The following EYS variants were observed in gnomAD, a reference collection of about 807,000 sequenced individuals.
EYS encodes EGF-like photoreceptor maintenance factor.
In EYS, 250 loss-of-function variants were observed where a neutral mutation model predicts 282.1. That is an observed-to-expected ratio of 0.89 (90% CI 0.80 to 0.98). The LOEUF is 0.98. Among genes scored for constraint, EYS ranks in the 50% least tolerant of loss-of-function variants. EYS has a pLI of 0.00. For missense variants in EYS, 4,016 were observed against 3,709.0 expected (o/e 1.08, Z -2.15); for synonymous variants, 1,355 against 1,282.9 (o/e 1.06, Z -1.20).
chr6:64,072,613 T>C (rs1328717677), intron 32 of EYS, among the ~76,000 whole-genome samples: 1 of 151,874 alleles, frequency 6.6e-6, no homozygotes, highest in Admixed American at 6.6e-5. Context: ...TAAAAGGTTA[T>C]ATTATAAAAT....
chr6:65,144,512 A>G (rs1202455428), intron 12 of EYS, among the ~76,000 whole-genome samples: 1 of 152,120 alleles, frequency 6.6e-6, no homozygotes, highest in Non-Finnish European at 1.5e-5. Flanking sequence ...TAAATATCTA[A>G]CATCTGGGTT....
At chr6:63,898,060 G>A (rs1483332167) in intron 35 of EYS, among the ~76,000 whole-genome samples, 3 of 152,184 alleles carry the variant, frequency 2.0e-5, no homozygotes, top group South Asian at 2.1e-4. Context: ...TGAAGTAGAC[G>A]TAAAAATATT....
At chr6:64,819,648 G>T (rs1372631692) in intron 21 of EYS, among the ~76,000 whole-genome samples, 1 of 151,738 alleles carries the variant, frequency 6.6e-6, no homozygotes, top group South Asian at 2.1e-4. Flanking sequence ...TTGTAGATGA[G>T]AATATAATAA....
At chr6:65,272,626 A>C (rs1001954475) in intron 12 of EYS, among the ~76,000 whole-genome samples, 10 of 152,188 alleles carry the variant, frequency 6.6e-5, no homozygotes, top group Non-Finnish European at 1.3e-4. Flanking sequence ...AATCTGTATT[A>C]GTTATGGAAA....
At chr6:64,081,705 T>C in intron 32 of EYS, 151 bp downstream of exon 32, 1 of 566,416 alleles carries the variant, frequency 1.8e-6, no homozygotes, top group Non-Finnish European at 2.9e-6. Context: ...CTAGAGAAAC[T>C]ACAAAGAACT....
chr6:64,000,872 G>A (rs1035868909), intron 33 of EYS, among the ~76,000 whole-genome samples: 15 of 152,090 alleles, frequency 9.9e-5, no homozygotes, highest in Admixed American at 9.8e-4. Context: ...TTCTGGCCAG[G>A]CGCGGTGGCT....
At chr6:63,723,306 T>A (rs1448576975) in intron 42 of EYS, among the ~76,000 whole-genome samples, 1 of 152,118 alleles carries the variant, frequency 6.6e-6, no homozygotes, top group Non-Finnish European at 1.5e-5. Context: ...AGAAAAAATA[T>A]ACATTGGGTT....
At chr6:65,552,641 C>T (rs191319584) in intron 2 of EYS, among the ~76,000 whole-genome samples, 83 of 152,170 alleles carry the variant, frequency 5.5e-4, no homozygotes, top group African/African-American at 1.9e-3. Flanking sequence ...GATGCATTCT[C>T]TCTGGCAATT....
intron 22 of EYS, among the ~76,000 whole-genome samples, chr6:64,795,505 G>T (rs1583166476): frequency 6.6e-6 from 1 of 152,060 alleles, no homozygotes; most frequent in Non-Finnish European, 1.5e-5. Flanking sequence ...CAAATTTTGA[G>T]GACTGCTATT....
At chr6:65,245,297 C>T (rs1380775011) in intron 12 of EYS, among the ~76,000 whole-genome samples, 1 of 152,150 alleles carries the variant, frequency 6.6e-6, no homozygotes, top group Non-Finnish European at 1.5e-5. Context: ...GGGAGGGATA[C>T]ATCAAGTACA....
chr6:63,827,638 A>G (rs903820225), intron 36 of EYS, among the ~76,000 whole-genome samples: 2 of 152,048 alleles, frequency 1.3e-5, no homozygotes, highest in African/African-American at 4.8e-5. Flanking sequence ...AGGTCAGGAG[A>G]TCTAGACCAT....
intron 29 of EYS, among the ~76,000 whole-genome samples, chr6:64,387,705 A>G (rs1172138129): frequency 1.3e-5 from 2 of 152,144 alleles, no homozygotes; most frequent in African/African-American, 4.8e-5. Context: ...AATGTTATAG[A>G]AAAAGTCACA....
chr6:65,706,964 C>A (rs557882278), intron 1 of EYS, among the ~76,000 whole-genome samples, 171 bp downstream of exon 1: 51 of 152,002 alleles, frequency 3.4e-4, no homozygotes, highest in Middle Eastern at 3.4e-3. Context: ...TATCCTTAAG[C>A]AAATGACAGA....
intron 24 of EYS, among the ~76,000 whole-genome samples, chr6:64,605,856 AT>A (rs1766914913): frequency 6.6e-6 from 1 of 152,080 alleles, no homozygotes; most frequent in South Asian, 2.1e-4. Flanking sequence ...GCAAGTAGAA[AT>A]TTAAAACTTT....
At chr6:64,643,836 G>T (rs1018371211) in intron 22 of EYS, among the ~76,000 whole-genome samples, 7 of 152,184 alleles carry the variant, frequency 4.6e-5, no homozygotes, top group South Asian at 2.1e-4. Context: ...CAGGATGATT[G>T]TGTGGCCTCT....
intron 19 of EYS, among the ~76,000 whole-genome samples, chr6:64,848,568 C>T (rs1583219712): frequency 6.6e-6 from 1 of 152,050 alleles, no homozygotes; most frequent in East Asian, 1.9e-4. Context: ...ACACAGGAGA[C>T]AAAATTATGA....
At chr6:64,485,236 A>AT (rs1776546689) in intron 26 of EYS, among the ~76,000 whole-genome samples, 1 of 151,610 alleles carries the variant, frequency 6.6e-6, no homozygotes, top group African/African-American at 2.4e-5. Flanking sequence ...GAACAGGGAA[A>AT]TGTTAGAGAA....
chr6:65,048,984 G>T (rs1434906903), intron 13 of EYS, among the ~76,000 whole-genome samples: 1 of 151,748 alleles, frequency 6.6e-6, no homozygotes. Context: ...GATTTTAGGT[G>T]CCTTGTCACA....
At chr6:64,989,466 T>C (rs1443930784) in intron 14 of EYS, among the ~76,000 whole-genome samples, 1 of 39,392 alleles carries the variant, frequency 2.5e-5, no homozygotes, top group Non-Finnish European at 4.6e-5. Flanking sequence ...AGCTGTAATA[T>C]ATATATATAT....
Sources: gnomAD v4.1 joint callset for allele counts (sites outside exome capture counted in the v4.1 genomes callset) on GRCh38, gnomAD v4.1.1 for gene constraint, MANE v1.5 for transcripts, NCBI Gene and HGNC (gene_info 2026-07-23, HGNC 2026-07-21) for gene names.